CACNB2: variants seen among roughly 807,000 people sequenced by gnomAD.
CACNB2 encodes the protein calcium voltage-gated channel auxiliary subunit beta 2, also known as voltage-dependent L-type calcium channel subunit beta-2.
In CACNB2, 42 loss-of-function variants were observed where a neutral mutation model predicts 73.3. That is an observed-to-expected ratio of 0.57 (90% CI 0.45 to 0.74). The LOEUF (loss-of-function observed/expected upper bound fraction) is 0.74, where lower values mean the gene tolerates loss of function less well. CACNB2 is among the 30% of genes least tolerant of loss of function. The pLI, the probability that CACNB2 is intolerant of heterozygous loss-of-function variation, is 0.00. For missense variants in CACNB2, 940 were observed against 853.0 expected (o/e 1.10, Z -1.27); for synonymous variants, 348 against 310.3 (o/e 1.12, Z -1.28).
intron 2 of CACNB2, among the ~76,000 whole-genome samples, chr10:18,310,605 C>CAAAAAAAAAAAAAAAAAAAAAAA (rs1157466238): frequency 5.4e-5 from 2 of 36,860 alleles, no homozygotes; most frequent in Non-Finnish European, 4.5e-5. Context: ...AACTCCATCT[C>CAAAAAAAAAAAAAAAAAAAAAAA]AAAAAAAAAA....
chr10:18,329,307 C>A (rs989836659), intron 2 of CACNB2, among the ~76,000 whole-genome samples: 1 of 152,106 alleles, frequency 6.6e-6, no homozygotes, highest in Non-Finnish European at 1.5e-5. Flanking sequence ...TGGTAAAGTG[C>A]TAAGCAATTG....
chr10:18,140,471 C>G lies in CACNB2; in HGVS notation c.-266C>G, dbSNP rs1296490574. On this transcript the variant is annotated 5_prime_UTR_variant, in exon 1 of 14. Transcript: ENST00000324631. ...GGCCCCGGCTGCCCCGCTGAGGGCT[C>G]CCCTCTCCCAGGCACCGCAGCCGCG... Among the ~76,000 whole-genome samples, 1 of 151,870 alleles carries G rather than the reference C, an allele frequency of 6.6e-6. No homozygotes were observed. Among genetic ancestry groups the G allele is most frequent in the Non-Finnish European group, 1.5e-5 (1 of 67,924 alleles).
intron 3 of CACNB2, among the ~76,000 whole-genome samples, chr10:18,411,633 G>A (rs540640853): frequency 8.0e-5 from 12 of 150,706 alleles, no homozygotes; most frequent in East Asian, 5.9e-4. Context: ...CTCAGCCTCC[G>A]GAGTAGCTGG....
intron 2 of CACNB2, among the ~76,000 whole-genome samples, chr10:18,158,142 A>T (rs1297098472): frequency 6.6e-6 from 1 of 152,190 alleles, no homozygotes; most frequent in Non-Finnish European, 1.5e-5. Context: ...ACAGAAATGA[A>T]ATCAAGTATG....
chr10:18,406,572 G>A (rs1016955404), intron 3 of CACNB2, among the ~76,000 whole-genome samples: 3 of 152,132 alleles, frequency 2.0e-5, no homozygotes, highest in East Asian at 1.9e-4. Flanking sequence ...AATGCCTGAC[G>A]ATCTGTCACT....
intron 2 of CACNB2, among the ~76,000 whole-genome samples, chr10:18,361,423 C>CAGG (rs2042132476): frequency 6.7e-6 from 1 of 149,894 alleles, no homozygotes; most frequent in Non-Finnish European, 1.5e-5. Flanking sequence ...CGCTTGAATC[C>CAGG]AGGAGGTGGA....
chr10:18,503,593 A>T (rs2050326183), intron 5 of CACNB2, among the ~76,000 whole-genome samples: 1 of 152,204 alleles, frequency 6.6e-6, no homozygotes, highest in Non-Finnish European at 1.5e-5. Flanking sequence ...CTGAAAAAAC[A>T]AACAAAAAAA....
intron 2 of CACNB2, among the ~76,000 whole-genome samples, chr10:18,218,356 T>A (rs1398092836): frequency 6.6e-6 from 1 of 152,240 alleles, no homozygotes; most frequent in African/African-American, 2.4e-5. Flanking sequence ...TTGCCATCAC[T>A]GAATTCCATA....
chr10:18,262,061 G>A (rs1257202587), intron 2 of CACNB2: 3 of 518,030 alleles, frequency 5.8e-6, no homozygotes, highest in Non-Finnish European at 1.2e-5. Context: ...AGGAAGGGTT[G>A]TAAAAGGGAA....
intron 3 of CACNB2, among the ~76,000 whole-genome samples, chr10:18,419,806 A>C (rs917703494): frequency 2.0e-5 from 3 of 152,212 alleles, no homozygotes; most frequent in African/African-American, 7.2e-5. Context: ...GGTTAAGAAT[A>C]GTGTACTTTA....
At position 18,150,880 on chromosome 10, in the gene CACNB2, T is replaced by TTTTTTTTTTG; in HGVS notation, c.121-3_121-2insTTTTTTTTTG. On this transcript the variant is annotated splice_polypyrimidine_tract_variant and splice_region_variant and intron_variant, in intron 1 of 13. Coordinates refer to ENST00000324631, the MANE Select transcript of CACNB2 (RefSeq NM_201596.3). The stretch of plus-strand genomic sequence containing the variant: ...CTTTTTTTTTTTTTTTTTTTTTTTT[T>TTTTTTTTTTG]AGTCATATGGAAAAGGAGCCAGAAG... 3 of 1,300,362 alleles carry TTTTTTTTTTG rather than the reference T, an allele frequency of 2.3e-6. No homozygotes were observed. The highest frequency in any genetic ancestry group is 3.2e-6 in the Non-Finnish European group (3 of 943,294). 80.6% of individuals were successfully genotyped at this position (1,300,362 alleles called of 1,614,324 possible). A position where few individuals can be genotyped will look rare whatever the true frequency, so the allele number is the denominator to read the frequency against.
At chr10:18,471,818 T>C (rs1278779815) in intron 3 of CACNB2, among the ~76,000 whole-genome samples, 1 of 152,148 alleles carries the variant, frequency 6.6e-6, no homozygotes, top group Non-Finnish European at 1.5e-5. Context: ...AATCGCTAGG[T>C]AGGGAAATGT....
intron 2 of CACNB2, among the ~76,000 whole-genome samples, chr10:18,354,120 G>C (rs2041820795): frequency 6.6e-6 from 1 of 152,130 alleles, no homozygotes; most frequent in African/African-American, 2.4e-5. Context: ...GAGTCAATTT[G>C]CTTATCTTTT....
At chr10:18,171,473 CATGGCAGT>C (rs1228326968) in intron 2 of CACNB2, among the ~76,000 whole-genome samples, 1 of 120,126 alleles carries the variant, frequency 8.3e-6, no homozygotes, top group Non-Finnish European at 1.6e-5. Context: ...CAGGCAGCAA[CATGGCAGT>C]TGGAAGCTCC....
intron 2 of CACNB2, among the ~76,000 whole-genome samples, chr10:18,297,414 G>A (rs777616905): frequency 5.9e-5 from 9 of 152,174 alleles, no homozygotes; most frequent in South Asian, 2.1e-4. Context: ...TTTAATAGCC[G>A]GGTGTGGTGG....
intron 2 of CACNB2, among the ~76,000 whole-genome samples, chr10:18,164,900 T>G (rs1429535280): frequency 6.6e-6 from 1 of 152,190 alleles, no homozygotes; most frequent in Non-Finnish European, 1.5e-5. Context: ...TTGTACTAAG[T>G]TCTTGTCATG....
intron 2 of CACNB2, among the ~76,000 whole-genome samples, chr10:18,387,171 C>T (rs78899649): frequency 5.3e-5 from 8 of 152,268 alleles, no homozygotes; most frequent in East Asian, 1.9e-4. Context: ...CTTTCTGCCT[C>T]GGAATGTTGT....
intron 2 of CACNB2, among the ~76,000 whole-genome samples, chr10:18,301,908 G>C (rs1423332530): frequency 6.6e-6 from 1 of 151,898 alleles, no homozygotes; most frequent in Non-Finnish European, 1.5e-5. Flanking sequence ...TGGCCCCCCA[G>C]GGTGCTGGGA....
At chr10:18,234,676 G>C (rs1311202019) in intron 2 of CACNB2, among the ~76,000 whole-genome samples, 2 of 152,194 alleles carry the variant, frequency 1.3e-5, no homozygotes, top group Non-Finnish European at 2.9e-5. Flanking sequence ...CAAATACGTA[G>C]AAATAGAAGG....
Sources: allele counts gnomAD v4.1 joint callset (sites outside exome capture counted in the v4.1 genomes callset), GRCh38; gene constraint gnomAD v4.1.1; transcripts MANE v1.5; gene names NCBI Gene and HGNC (gene_info 2026-07-23, HGNC 2026-07-21).